Variants in COL15A1 observed in about 807,000 individuals in gnomAD.
The protein encoded by COL15A1 is collagen type XV alpha 1 chain, also known as collagen alpha-1(XV) chain.
COL15A1 carries 111 observed loss-of-function variants against 165.9 expected under a neutral mutation model. That is an observed-to-expected ratio of 0.67 (90% CI 0.57 to 0.78). The LOEUF is 0.78. COL15A1 is among the 30% of genes least tolerant of loss of function. The pLI, the probability that COL15A1 is intolerant of heterozygous loss-of-function variation, is 0.00. For synonymous variants in COL15A1, 659 were observed against 674.8 expected, an observed-to-expected ratio of 0.98 and a Z score of 0.36; for missense variants, 1,745 against 1,789.7, an observed-to-expected ratio of 0.98 and a Z score of 0.45.
In COL15A1 at chr9:99,047,921, G is replaced by T; in HGVS notation, c.2734-20G>T. 6.2e-7 allele frequency: 1 copy of T among 1,609,590 alleles called. No homozygotes were observed. Among genetic ancestry groups the T allele is most frequent in the Non-Finnish European group, 8.5e-7 (1 of 1,175,948 alleles). ...GTCTGTGGGCGGAGGGTTTACTGAG[G>T]TGTCTGCTGTGGGTTCCAGGGTCGC... is the stretch of plus-strand genomic sequence containing the variant. On this transcript the variant is annotated intron_variant, in intron 27 of 41. Coordinates refer to ENST00000375001, the MANE Select transcript of COL15A1 (RefSeq NM_001855.5).
At chr9:98,986,921 C>G (rs904413236) in intron 3 of COL15A1, among the ~76,000 whole-genome samples, 3 of 152,098 alleles carry the variant, frequency 2.0e-5, no homozygotes, top group Non-Finnish European at 2.9e-5. Context: ...TGGGACGAGG[C>G]CTTCAAACTC....
intron 12 of COL15A1, among the ~76,000 whole-genome samples, chr9:99,021,214 A>G (rs1279795299): frequency 6.6e-6 from 1 of 152,144 alleles, no homozygotes; most frequent in Non-Finnish European, 1.5e-5. Flanking sequence ...GGCTGCACAG[A>G]GGCCGTTCCT....
chr9:99,006,645 G>T (rs1041777413), intron 9 of COL15A1, among the ~76,000 whole-genome samples: 4 of 151,280 alleles, frequency 2.6e-5, no homozygotes, highest in African/African-American at 9.7e-5. Context: ...TCTTCCAGTT[G>T]CCCTTTCCTT....
Position 98,975,008 on chromosome 9 carries a change from T to A in COL15A1, c.101-10557T>A, listed in dbSNP as rs543090293. Among the ~76,000 whole-genome samples, 8 of 152,080 alleles carry A rather than the reference T, an allele frequency of 5.3e-5. No homozygotes were observed. In the South Asian group the frequency reaches 1.5e-3, roughly 28 times the overall value. On this transcript the variant is annotated intron_variant, in intron 2 of 41. Transcript: ENST00000375001. ...CCCTTAACAGACCTTTCGCTTTGAGTCTGTTGTTGGGATCCCGGTTCACAG... is the reference window on the plus strand; with the variant it reads ...CCCTTAACAGACCTTTCGCTTTGAGACTGTTGTTGGGATCCCGGTTCACAG...
intron 3 of COL15A1, 114 bp from the exon 4 acceptor site, chr9:98,987,180 C>G (rs946516146): frequency 5.9e-6 from 6 of 1,013,398 alleles, no homozygotes; most frequent in Non-Finnish European, 9.0e-6. Context: ...GCTGTACATC[C>G]TCATTCCCAC....
At position 99,038,678 on chromosome 9, in the gene COL15A1, A is replaced by G. The variant is rs1489965409; in HGVS notation, c.2420A>G (p.Asn807Ser). The G allele has an allele frequency of 3.1e-6, 5 of 1,605,164 alleles. No individual in the cohort carries two copies. In the African/African-American group the frequency reaches 4.0e-5, roughly 13 times the overall value. Residue 807 changes from asparagine (N) to serine (S), a missense_variant, in exon 22 of 42, where the codon AAT becomes AGT. Asn to Ser is a conservative substitution (Grantham distance 46, BLOSUM62 1). Coordinates refer to ENST00000375001, the MANE Select transcript of COL15A1 (RefSeq NM_001855.5). ...HIKVLSNSLI[N>S]ITHGFMNFSD... Reference sequence around the variant, plus strand: ...TTTTTCTCTTTTCAGTCCTTGATCAATATCACCCATGGATTCATGAATTTC... The same window carrying G: ...TTTTTCTCTTTTCAGTCCTTGATCAGTATCACCCATGGATTCATGAATTTC...
At chr9:99,025,786 G>T in intron 15 of COL15A1, 118 bp from the exon 16 acceptor site, 1 of 1,028,966 alleles carries the variant, frequency 9.7e-7, no homozygotes. Flanking sequence ...CACCTGACAT[G>T]AGGCCCTGGG....
chr9:98,952,714 C>A (rs1837709786), intron 2 of COL15A1, among the ~76,000 whole-genome samples: 1 of 152,220 alleles, frequency 6.6e-6, no homozygotes, highest in African/African-American at 2.4e-5. Flanking sequence ...AAAGCCAGTT[C>A]TTTTCCAAAG....
At chr9:99,034,411 G>T in intron 16 of COL15A1, 138 bp from the exon 17 acceptor site, 1 of 1,382,466 alleles carries the variant, frequency 7.2e-7, no homozygotes, top group Non-Finnish European at 9.6e-7. Context: ...TGTTTGGTTT[G>T]GAGACACCAA....
At chr9:99,029,515 CCTT>C (rs1839180737) in intron 16 of COL15A1, among the ~76,000 whole-genome samples, 2 of 152,170 alleles carry the variant, frequency 1.3e-5, no homozygotes, top group Admixed American at 1.3e-4. Context: ...TGGGTTTAGA[CCTT>C]CTAACAACAT....
intron 16 of COL15A1, among the ~76,000 whole-genome samples, chr9:99,034,014 T>G (rs1361306229): frequency 6.6e-6 from 1 of 152,166 alleles, no homozygotes; most frequent in Non-Finnish European, 1.5e-5. Context: ...GGTGTGGACA[T>G]GCAACCTGCC....
intron 8 of COL15A1, among the ~76,000 whole-genome samples, 186 bp from the exon 9 acceptor site, chr9:99,004,712 G>A (rs567409828): frequency 2.0e-5 from 3 of 152,218 alleles, no homozygotes; most frequent in South Asian, 2.1e-4. Context: ...GGGTGGTCTC[G>A]CAGCATGAGT....
At chr9:98,989,840 C>T (rs761950120) in intron 5 of COL15A1, among the ~76,000 whole-genome samples, 1 of 152,210 alleles carries the variant, frequency 6.6e-6, no homozygotes, top group Non-Finnish European at 1.5e-5. Flanking sequence ...TTCCAGTGGC[C>T]TGGACCTCCT....
chr9:99,014,263 C>G (rs990793667), intron 9 of COL15A1, among the ~76,000 whole-genome samples: 12 of 152,212 alleles, frequency 7.9e-5, no homozygotes, highest in African/African-American at 2.4e-4. Context: ...GAAGATTGCT[C>G]TCTACCATCC....
At chr9:98,971,706 C>T (rs565490367) in intron 2 of COL15A1, among the ~76,000 whole-genome samples, 7 of 152,224 alleles carry the variant, frequency 4.6e-5, no homozygotes, top group Non-Finnish European at 7.3e-5. Flanking sequence ...TCTTGCACTG[C>T]GGCTAACTGC....
chr9:99,020,316 T>C (rs1588518403), intron 11 of COL15A1, 73 bp from the exon 12 acceptor site: 1 of 1,077,892 alleles, frequency 9.3e-7, no homozygotes, highest in Non-Finnish European at 1.4e-6. Context: ...GACCAGGGAA[T>C]GTCATCGGAA....
intron 39 of COL15A1, among the ~76,000 whole-genome samples, chr9:99,064,987 C>G (rs1052226728): frequency 6.6e-6 from 1 of 152,150 alleles, no homozygotes; most frequent in Non-Finnish European, 1.5e-5. Context: ...ACAATTTTAT[C>G]AAAACTACAA....
chr9:98,970,086 C>A (rs1210552376), intron 2 of COL15A1, among the ~76,000 whole-genome samples: 1 of 151,138 alleles, frequency 6.6e-6, no homozygotes, highest in Admixed American at 6.6e-5. Flanking sequence ...TTCTACTGTG[C>A]AGCCAGGGTT....
At position 99,034,586 on chromosome 9, in the gene COL15A1, TAA is replaced by T. The variant is rs60290557; in HGVS notation, c.2079+29_2079+30del. The stretch of plus-strand genomic sequence containing the variant: ...CCTAATGGCTCAGTTGGTGAAAAGG[TAA>T]AAAAAAAAAAAAAAAAAAAAAAAAA... On this transcript the variant is annotated splice_donor_region_variant and intron_variant, in intron 17 of 41. Transcript: ENST00000375001. 182,343 of 1,036,750 alleles carry T rather than the reference TAA, an allele frequency of 0.18. 1,432 individuals carry two copies. The highest frequency in any genetic ancestry group is 0.22 in the East Asian group (5,248 of 23,948). The allele number at this position is 1,036,750 out of a possible 1,614,324, so 64.2% of individuals were successfully genotyped here.
Sources: gnomAD v4.1 joint callset for allele counts (sites outside exome capture counted in the v4.1 genomes callset) on GRCh38, gnomAD v4.1.1 for gene constraint, MANE v1.5 for transcripts, NCBI Gene and HGNC (gene_info 2026-07-23, HGNC 2026-07-21) for gene names.